SLC7A14: variants seen among roughly 807,000 people sequenced by gnomAD.
SLC7A14 encodes gamma-aminobutyric acid transporter SLC7A14.
Under a neutral mutation model 60.2 loss-of-function variants are expected in SLC7A14, and 37 were observed. The ratio of observed to expected loss-of-function variants is 0.61; its 90% CI spans 0.47 to 0.81. The LOEUF (loss-of-function observed/expected upper bound fraction) is 0.81, where lower values mean the gene tolerates loss of function less well. Ranked by LOEUF, SLC7A14 falls within the 30% of genes least tolerant of loss-of-function variation. SLC7A14 has a pLI of 0.00. For synonymous variants in SLC7A14, 399 were observed against 395.8 expected (o/e 1.01, Z -0.10); for missense variants, 886 against 982.7 (o/e 0.90, Z 1.32).
chr3:170,528,085 C>T (rs771694162), intron 1 of SLC7A14, among the ~76,000 whole-genome samples: 17 of 152,260 alleles, frequency 1.1e-4, no homozygotes, highest in Middle Eastern at 6.8e-3. Flanking sequence ...GGAACTGGCA[C>T]GTTTGCGGTG....
intron 1 of SLC7A14, among the ~76,000 whole-genome samples, chr3:170,545,142 A>G (rs2108302093): frequency 6.6e-6 from 1 of 152,354 alleles, no homozygotes; most frequent in African/African-American, 2.4e-5. Context: ...AAATTTTAGA[A>G]ACAACACCAG....
intron 1 of SLC7A14, among the ~76,000 whole-genome samples, chr3:170,552,945 C>T (rs1466569103): frequency 6.6e-6 from 1 of 152,228 alleles, no homozygotes; most frequent in African/African-American, 2.4e-5. Context: ...TTGATCTCCA[C>T]ATGCACTGCC....
intron 3 of SLC7A14, among the ~76,000 whole-genome samples, chr3:170,500,599 AT>A (rs1220906447): frequency 2.0e-5 from 3 of 151,838 alleles, no homozygotes; most frequent in African/African-American, 7.3e-5. Flanking sequence ...TATTCATTAA[AT>A]TTTTTTTCAT....
intron 4 of SLC7A14, among the ~76,000 whole-genome samples, chr3:170,497,257 G>A (rs1712436447): frequency 6.6e-6 from 1 of 152,108 alleles, no homozygotes. Context: ...CCAGAATGGG[G>A]CCAACAGTGT....
chr3:170,518,758 G>A (rs913955328), intron 2 of SLC7A14, among the ~76,000 whole-genome samples: 1 of 152,170 alleles, frequency 6.6e-6, no homozygotes, highest in Non-Finnish European at 1.5e-5. Context: ...ATAACTGCTT[G>A]GTAGGATATG....
chr3:170,503,419 A>G (rs1712674223), intron 2 of SLC7A14, among the ~76,000 whole-genome samples: 1 of 152,112 alleles, frequency 6.6e-6, no homozygotes, highest in Admixed American at 6.5e-5. Flanking sequence ...GAACCTGATG[A>G]TATTTTCTTG....
chr3:170,522,466 A>G (rs752229296), intron 2 of SLC7A14, among the ~76,000 whole-genome samples: 8 of 152,244 alleles, frequency 5.3e-5, no homozygotes, highest in Non-Finnish European at 1.2e-4. Context: ...AGAAAATGGA[A>G]CAACCTTCTG....
rs2108321967 is a variant in SLC7A14, at chr3:170,585,310, C to G, written c.-153+601G>C. 1.3e-5 allele frequency among the ~76,000 whole-genome samples: 2 copies of G among 152,266 alleles called. No homozygotes were observed. The highest frequency in any genetic ancestry group is 1.3e-4 in the Admixed American group (2 of 15,308). Reference sequence around the variant, plus strand: ...CGGGAGAGTCACCACTCTCCGGGGACAGACGCCCCTCGGGGCGCCACCATC... The same window carrying G: ...CGGGAGAGTCACCACTCTCCGGGGAGAGACGCCCCTCGGGGCGCCACCATC... On this transcript the variant is annotated intron_variant, in intron 1 of 7. Coordinates refer to ENST00000231706, the MANE Select transcript of SLC7A14 (RefSeq NM_020949.3). This position sits in a 1 kb window ranked among gnomAD's most constrained non-coding sequence, Gnocchi z 5.1.
intron 3 of SLC7A14, among the ~76,000 whole-genome samples, chr3:170,499,368 A>G (rs1712532987): frequency 1.3e-5 from 2 of 151,122 alleles, no homozygotes; most frequent in Admixed American, 1.3e-4. Flanking sequence ...CTATTTGCAA[A>G]TGAGCAGGAT....
intron 4 of SLC7A14, 44 bp downstream of exon 4, chr3:170,498,623 G>A (rs1712486244): frequency 6.3e-7 from 1 of 1,582,614 alleles, no homozygotes. Flanking sequence ...AGGGTAGAAG[G>A]CAGAGTGTGT....
At chr3:170,582,416 G>T (rs1443411758) in intron 1 of SLC7A14, among the ~76,000 whole-genome samples, 1 of 151,952 alleles carries the variant, frequency 6.6e-6, no homozygotes, top group Admixed American at 6.6e-5. Flanking sequence ...GTGACTGGGG[G>T]GCTAAATTTT....
intron 1 of SLC7A14, among the ~76,000 whole-genome samples, chr3:170,550,050 T>A (rs1427384231): frequency 6.6e-6 from 1 of 152,240 alleles, no homozygotes. Context: ...TGATTGGACA[T>A]GTGTGTGTAA....
chr3:170,566,372 G>A (rs1157232495), intron 1 of SLC7A14, among the ~76,000 whole-genome samples: 1 of 152,212 alleles, frequency 6.6e-6, no homozygotes, highest in African/African-American at 2.4e-5. Flanking sequence ...TTTCTCCTTA[G>A]TGTTCGAAGT....
At chr3:170,531,756 G>T (rs1347641629) in intron 1 of SLC7A14, among the ~76,000 whole-genome samples, 1 of 152,166 alleles carries the variant, frequency 6.6e-6, no homozygotes, top group Non-Finnish European at 1.5e-5. Context: ...AATGTGTGTT[G>T]TGCTTTCTCT....
intron 2 of SLC7A14, among the ~76,000 whole-genome samples, chr3:170,519,690 C>T (rs1224452651): frequency 2.0e-5 from 3 of 152,142 alleles, no homozygotes; most frequent in South Asian, 2.1e-4. Flanking sequence ...GCAGGAGAAT[C>T]GCTTGAACTG....
intron 1 of SLC7A14, among the ~76,000 whole-genome samples, chr3:170,547,061 G>A (rs1482976228): frequency 6.6e-6 from 1 of 152,164 alleles, no homozygotes; most frequent in Non-Finnish European, 1.5e-5. Flanking sequence ...ATTCTAATGT[G>A]CAGCCATGGC....
chr3:170,554,269 G>A (rs1714429939), intron 1 of SLC7A14, among the ~76,000 whole-genome samples: 1 of 152,190 alleles, frequency 6.6e-6, no homozygotes, highest in Non-Finnish European at 1.5e-5. Context: ...CCACTGCACA[G>A]CCATGATGTC....
intron 2 of SLC7A14, among the ~76,000 whole-genome samples, chr3:170,516,063 A>G (rs1713148146): frequency 6.6e-6 from 1 of 152,166 alleles, no homozygotes; most frequent in Admixed American, 6.5e-5. Flanking sequence ...AAGATGTAAA[A>G]GAAGCCCAGG....
At chr3:170,503,210 G>T (rs1029219859) in intron 2 of SLC7A14, among the ~76,000 whole-genome samples, 2 of 152,146 alleles carry the variant, frequency 1.3e-5, no homozygotes, top group African/African-American at 4.8e-5. Flanking sequence ...CTTGATGTCA[G>T]ACTGTCAGTT....
Sources: allele counts gnomAD v4.1 joint callset (sites outside exome capture counted in the v4.1 genomes callset), GRCh38; gene constraint gnomAD v4.1.1; non-coding constraint Gnocchi (gnomAD v3.1); transcripts MANE v1.5; gene names NCBI Gene and HGNC (gene_info 2026-07-23, HGNC 2026-07-21).